Variants in MEGF6 observed in about 807,000 individuals in gnomAD.
MEGF6 encodes multiple EGF like domains 6.
A neutral mutation model predicts 207.1 loss-of-function variants in MEGF6; 184 were observed. The ratio of observed to expected loss-of-function variants is 0.89; its 90% CI spans 0.79 to 1.00. MEGF6 has a LOEUF of 1.00. MEGF6 is among the 50% of genes least tolerant of loss of function. The probability of loss-of-function intolerance (pLI) is 0.00; values close to 1 mark genes in which losing one functional copy is unlikely to be tolerated. For missense variants in MEGF6, 2,282 were observed against 2,202.9 expected (o/e 1.04, Z -0.72); for synonymous variants, 1,038 against 910.0 (o/e 1.14, Z -2.53).
intron 3 of MEGF6, 106 bp from the exon 4 acceptor site, chr1:3,580,035 T>C: frequency 1.3e-6 from 1 of 744,170 alleles, no homozygotes. Flanking sequence ...GCCTGCCAGG[T>C]CCCCAGCCCC....
chr1:3,557,771 T>C (rs1643079134), intron 4 of MEGF6, among the ~76,000 whole-genome samples: 1 of 152,140 alleles, frequency 6.6e-6, no homozygotes, highest in Non-Finnish European at 1.5e-5. Flanking sequence ...CAGAAGGGCA[T>C]ATCAGGGAAG....
chr1:3,580,197 C>A (rs1643758699), intron 3 of MEGF6, among the ~76,000 whole-genome samples: 1 of 150,172 alleles, frequency 6.7e-6, no homozygotes, highest in Admixed American at 6.7e-5. Context: ...TGGGGAGGAG[C>A]CAAGGGCATT....
At chr1:3,605,976 C>A (rs549169140) in intron 1 of MEGF6, among the ~76,000 whole-genome samples, 1 of 152,234 alleles carries the variant, frequency 6.6e-6, no homozygotes. Flanking sequence ...CAACCCCTCC[C>A]GGGACAGTGC....
At chr1:3,504,754 C>A (rs1469232507) in intron 17 of MEGF6, among the ~76,000 whole-genome samples, 1 of 152,196 alleles carries the variant, frequency 6.6e-6, no homozygotes, top group Non-Finnish European at 1.5e-5. Context: ...CGTGCAGGGG[C>A]CTGCAGCCAC....
chr1:3,624,493 G>A, the MEGF6 span: 1 of 152,310 alleles, frequency 6.6e-6, no homozygotes, highest in Admixed American at 6.5e-5. Context: ...AGAACGCCAG[G>A]TCCCGGCAGA....
intron 4 of MEGF6, among the ~76,000 whole-genome samples, chr1:3,552,401 A>G (rs140907664): frequency 6.6e-6 from 1 of 152,360 alleles, no homozygotes; most frequent in Non-Finnish European, 1.5e-5. Flanking sequence ...GAAAGCGCTG[A>G]GGCATCCTGG....
At chr1:3,527,722 G>A (rs1443833390) in intron 4 of MEGF6, among the ~76,000 whole-genome samples, 2 of 152,214 alleles carry the variant, frequency 1.3e-5, no homozygotes, top group African/African-American at 2.4e-5. Context: ...CAGTGTGGGT[G>A]GCACCCACCT....
chr1:3,558,261 C>T (rs1001158078), intron 4 of MEGF6, among the ~76,000 whole-genome samples: 2 of 152,200 alleles, frequency 1.3e-5, no homozygotes, highest in African/African-American at 4.8e-5. Context: ...TCGTCCCCTC[C>T]TCTCTCTCCC....
At chr1:3,553,390 G>A (rs918747686) in intron 4 of MEGF6, among the ~76,000 whole-genome samples, 2 of 151,620 alleles carry the variant, frequency 1.3e-5, no homozygotes, top group South Asian at 2.1e-4. Flanking sequence ...GCGGGACGGG[G>A]ACACAGGCAA....
At chr1:3,498,546 G>A in intron 25 of MEGF6, 47 bp from the exon 26 acceptor site, 1 of 1,518,086 alleles carries the variant, frequency 6.6e-7, no homozygotes, top group Non-Finnish European at 8.9e-7. Context: ...TGCCTCCTGG[G>A]CCCAGGAGAC....
At chr1:3,536,985 G>A (rs958664968) in intron 4 of MEGF6, among the ~76,000 whole-genome samples, 4 of 152,270 alleles carry the variant, frequency 2.6e-5, no homozygotes, top group Non-Finnish European at 5.9e-5. Context: ...GCCTGGACAC[G>A]TGCCTCTACC....
intron 4 of MEGF6, among the ~76,000 whole-genome samples, chr1:3,530,283 A>G (rs982486941): frequency 6.6e-6 from 1 of 152,208 alleles, no homozygotes; most frequent in African/African-American, 2.4e-5. Context: ...AGAGAGGCAG[A>G]AGCTCGGCCT....
Position 3,611,162 on chromosome 1 carries a change from G to A in MEGF6, c.107C>T (p.Pro36Leu), listed in dbSNP as rs1029764284. 2.6e-6 allele frequency: 4 copies of A among 1,534,316 alleles called. No homozygotes were observed. Among genetic ancestry groups the A allele is most frequent in the Admixed American group, 1.9e-5 (1 of 51,864 alleles). ...CATGCCGGGCTGCAGCGGGAGCAGGGGCCGCGGCGGAACGCTGGCGCCCAC... is the reference window on the plus strand; with the variant it reads ...CATGCCGGGCTGCAGCGGGAGCAGGAGCCGCGGCGGAACGCTGGCGCCCAC... The part of the protein sequence containing the change: ...VPVGASVPPR[P>L]LLPLQPGMPH... The change falls in exon 1 of 37, where the codon CCC (proline) becomes CTC (leucine). Residue 36 changes from proline (P) to leucine (L), a missense_variant. Pro to Leu is a moderately conservative substitution (Grantham distance 98). Coordinates refer to ENST00000356575, the MANE Select transcript of MEGF6 (RefSeq NM_001409.4).
At chr1:3,600,177 C>A (rs1644136172) in intron 2 of MEGF6, among the ~76,000 whole-genome samples, 1 of 152,184 alleles carries the variant, frequency 6.6e-6, no homozygotes, top group African/African-American at 2.4e-5. Flanking sequence ...AACCCAGGGG[C>A]CTCAAATGCT....
chr1:3,590,286 T>C (rs1643954868), intron 3 of MEGF6, among the ~76,000 whole-genome samples: 1 of 152,164 alleles, frequency 6.6e-6, no homozygotes, highest in Non-Finnish European at 1.5e-5. Context: ...AGGTAAATGG[T>C]GCTGCCAGGA....
chr1:3,523,729 G>A lies in MEGF6; in HGVS notation c.604+395C>T, dbSNP rs760564774. Among the ~76,000 whole-genome samples, 13 of 152,314 alleles carry A rather than the reference G, an allele frequency of 8.5e-5. 1 individual carries two copies. The East Asian group carries it at 1.7e-3, about 20-fold the overall frequency. On this transcript the variant is annotated intron_variant, in intron 5 of 36. Coordinates refer to ENST00000356575, the MANE Select transcript of MEGF6 (RefSeq NM_001409.4). ...GACCCAGGTCTCCCTCAAATCAAAT[G>A]TAGGGGACATCACAACCAGGCCAGG...
chr1:3,510,388 C>T (rs769328058), intron 10 of MEGF6, among the ~76,000 whole-genome samples: 13 of 151,914 alleles, frequency 8.6e-5, no homozygotes, highest in African/African-American at 2.2e-4. Context: ...GCTCAACCAA[C>T]GCCCACAGCC....
chr1:3,494,297 T>A, intron 32 of MEGF6, 74 bp downstream of exon 32: 1 of 1,489,510 alleles, frequency 6.7e-7, no homozygotes, highest in Non-Finnish European at 8.9e-7. Flanking sequence ...CACTGCTGCC[T>A]GGATCACCCA....
chr1:3,607,581 G>T (rs567913836), intron 1 of MEGF6, among the ~76,000 whole-genome samples: 134 of 152,344 alleles, frequency 8.8e-4, no homozygotes, highest in African/African-American at 3.1e-3. Context: ...GGATGGAGAA[G>T]GTGGCAGGGG....
Sources: gnomAD v4.1 joint callset for allele counts (sites outside exome capture counted in the v4.1 genomes callset) on GRCh38, gnomAD v4.1.1 for gene constraint, MANE v1.5 for transcripts, NCBI Gene and HGNC (gene_info 2026-07-23, HGNC 2026-07-21) for gene names.